The following KIF17 variants were observed in gnomAD, a reference collection of about 807,000 sequenced individuals.
The protein encoded by KIF17 is kinesin family member 17.
In KIF17, 80 loss-of-function variants were observed where a neutral mutation model predicts 96.8. That is an observed-to-expected ratio of 0.83 (90% CI 0.69 to 1.00). The LOEUF (loss-of-function observed/expected upper bound fraction) is 1.00, where lower values mean the gene tolerates loss of function less well. Ranked by LOEUF, KIF17 falls within the 50% of genes least tolerant of loss-of-function variation. KIF17 has a pLI of 0.00. For missense variants in KIF17, 1,280 were observed against 1,372.9 expected (o/e 0.93, Z 1.07); for synonymous variants, 567 against 587.5 (o/e 0.97, Z 0.51).
At chr1:20,666,111 G>A (rs1370770146) in intron 14 of KIF17, 103 bp downstream of exon 14, 2 of 879,740 alleles carry the variant, frequency 2.3e-6, no homozygotes, top group Non-Finnish European at 3.9e-6. Context: ...GGCTCCGAGA[G>A]GGAAAGGAGT....
At chr1:20,713,332 T>G (rs1043305259) in intron 3 of KIF17, 122 bp downstream of exon 3, 4 of 570,784 alleles carry the variant, frequency 7.0e-6, no homozygotes, top group South Asian at 5.0e-5. Flanking sequence ...AAAAAAAAAG[T>G]CCCGACTCTA....
At chr1:20,716,256 A>AAT (rs2054576253) in intron 1 of KIF17, among the ~76,000 whole-genome samples, 2 of 152,052 alleles carry the variant, frequency 1.3e-5, no homozygotes, top group Non-Finnish European at 2.9e-5. Flanking sequence ...AAAAAAAAAA[A>AAT]AAAAATCAAT....
Position 20,698,366 on chromosome 1 carries a change from G to T in KIF17, c.1233+13C>A, listed in dbSNP as rs371823681. 6.3e-7 allele frequency: 1 copy of T among 1,596,940 alleles called. No individual in the cohort carries two copies. The highest frequency in any genetic ancestry group is 8.6e-7 in the Non-Finnish European group (1 of 1,164,912). On this transcript the variant is annotated intron_variant, in intron 6 of 14. Coordinates refer to ENST00000400463, the MANE Select transcript of KIF17 (RefSeq NM_001122819.3). ...CTGTCCCTTCTCCATGTTCCCACCCGCTTGGGTCTCACCTCCCGGATCAGC... is the reference window on the plus strand; with the variant it reads ...CTGTCCCTTCTCCATGTTCCCACCCTCTTGGGTCTCACCTCCCGGATCAGC...
At chr1:20,676,681 A>C (rs1006450351) in intron 11 of KIF17, among the ~76,000 whole-genome samples, 6 of 152,092 alleles carry the variant, frequency 3.9e-5, no homozygotes, top group Non-Finnish European at 7.3e-5. Context: ...AATACAAAAA[A>C]TTAGCCAGGC....
Position 20,687,248 on chromosome 1 carries a change from G to A in KIF17, c.1938+140C>T. 4.3e-6 allele frequency: 4 copies of A among 933,454 alleles called. No individual in the cohort carries two copies. The highest frequency in any genetic ancestry group is 6.8e-6 in the Non-Finnish European group (4 of 584,020). The allele number at this position is 933,454 out of a possible 1,614,324, so 57.8% of individuals were successfully genotyped here. On this transcript the variant is annotated intron_variant, in intron 8 of 14. Coordinates refer to ENST00000400463, the MANE Select transcript of KIF17 (RefSeq NM_001122819.3). This position sits in a 1 kb window ranked among gnomAD's most constrained non-coding sequence, Gnocchi z 4.4. Reference sequence around the variant, plus strand: ...GCCCCTGAGCCAGCCACCAGTGCCAGAGCCGCAGCAGACACAGTGGAGCCA... The same window carrying A: ...GCCCCTGAGCCAGCCACCAGTGCCAAAGCCGCAGCAGACACAGTGGAGCCA...
Position 20,699,817 on chromosome 1 carries a change from A to G in KIF17, c.1124-1329T>C, listed in dbSNP as rs927651646. On this transcript the variant is annotated intron_variant, in intron 5 of 14. Coordinates refer to ENST00000400463, the MANE Select transcript of KIF17 (RefSeq NM_001122819.3). The surrounding 1 kb of genome is among the most constrained non-coding windows in gnomAD (Gnocchi z 4.3). The stretch of plus-strand genomic sequence containing the variant: ...GAGTGATGGGCAGGACAGGTGGAGA[A>G]GTCCAAGAGGGATAATGCCAGATTG... Among the ~76,000 whole-genome samples, 2 of 152,316 alleles carry G rather than the reference A, an allele frequency of 1.3e-5. No homozygotes were observed. Among genetic ancestry groups the G allele is most frequent in the East Asian group, 1.9e-4 (1 of 5,170 alleles).
Position 20,712,699 on chromosome 1 carries a change from A to ATCTATAT in KIF17, c.480+754_480+755insATATAGA, listed in dbSNP as rs1557606606. On this transcript the variant is annotated intron_variant, in intron 3 of 14. Coordinates refer to ENST00000400463, the MANE Select transcript of KIF17 (RefSeq NM_001122819.3). ...AATATTATCTATATATAATATAGAT[A>ATCTATAT]ATATTATCTATATATAAAATTATAT... Among the ~76,000 whole-genome samples, 17 of 91,174 alleles carry ATCTATAT rather than the reference A, an allele frequency of 1.9e-4. 1 individual carries two copies. The highest frequency in any genetic ancestry group is 7.9e-4 in the African/African-American group (16 of 20,222). The allele number at this position is 91,174 out of a possible 152,430, so 59.8% of individuals were successfully genotyped here.
chr1:20,666,985 G>A (rs531003556), intron 13 of KIF17, among the ~76,000 whole-genome samples: 2 of 152,124 alleles, frequency 1.3e-5, no homozygotes, highest in African/African-American at 2.4e-5. Flanking sequence ...CCTAAACACA[G>A]TAATTGGTTC....
At chr1:20,694,702 C>T (rs2054102672) in intron 6 of KIF17, among the ~76,000 whole-genome samples, 1 of 152,214 alleles carries the variant, frequency 6.6e-6, no homozygotes, top group African/African-American at 2.4e-5. Flanking sequence ...TCAGATGTAA[C>T]CACGCATTCT....
At chr1:20,674,928 T>A (rs1299502535) in intron 11 of KIF17, among the ~76,000 whole-genome samples, 1 of 152,018 alleles carries the variant, frequency 6.6e-6, no homozygotes, top group African/African-American at 2.4e-5. Context: ...GGTGGATGGA[T>A]CACCTGAGGT....
Position 20,717,506 on chromosome 1 carries a change from G to C in KIF17, c.201C>G (p.Ile67Met), listed in dbSNP as rs142917123. Reference protein sequence around the residue: ...AYHVDHVTEQIYNEIAYPLVE... With the variant: ...AYHVDHVTEQMYNEIAYPLVE... ...CCAGCGGATAGGCGATCTCGTTGTA[G>C]ATCTGCTCGGTGACGTGGTCCACGT... Residue 67 changes from isoleucine (I) to methionine (M), a missense_variant, in exon 1 of 15, where the codon ATC (isoleucine) becomes ATG (methionine). Coordinates refer to ENST00000400463, the MANE Select transcript of KIF17 (RefSeq NM_001122819.3). 1 of 1,611,850 alleles carries C rather than the reference G, an allele frequency of 6.2e-7. No homozygotes were observed. The highest frequency in any genetic ancestry group is 1.3e-5 in the African/African-American group (1 of 75,018).
downstream of KIF17, among the ~76,000 whole-genome samples, chr1:20,663,853 C>T (rs565923191): frequency 1.3e-5 from 2 of 152,218 alleles, no homozygotes; most frequent in Non-Finnish European, 2.9e-5. Context: ...TTCAGACGCT[C>T]TTCCCAGAAG....
chr1:20,687,875 GC>G lies in KIF17; in HGVS notation c.1450del (p.Ala484LeufsTer13). 7 of 1,614,026 alleles carry G rather than the reference GC, an allele frequency of 4.3e-6. No homozygotes were observed. Among genetic ancestry groups the G allele is most frequent in the Non-Finnish European group, 5.1e-6 (6 of 1,180,036 alleles). On this transcript the variant is annotated frameshift_variant, in exon 8 of 15. Coordinates refer to ENST00000400463, the MANE Select transcript of KIF17 (RefSeq NM_001122819.3). LOFTEE classifies it high-confidence loss of function. This position sits in a 1 kb window ranked among gnomAD's most constrained non-coding sequence, Gnocchi z 4.4. Reference sequence around the variant, plus strand: ...ATACTGAAAAGCAGGCGGGTACTCAGCGCTGCTGGCAAACTCAGCCCTGGAC... The same window carrying G: ...ATACTGAAAAGCAGGCGGGTACTCAGGCTGCTGGCAAACTCAGCCCTGGAC... Reference protein sequence around the residue: ...VMSRAEFASSAEYPPAFQYET... With the variant: ...VMSRAEFASSXEYPPAFQYET...
chr1:20,692,292 C>T (rs2054052749), intron 6 of KIF17, among the ~76,000 whole-genome samples: 1 of 152,118 alleles, frequency 6.6e-6, no homozygotes. Flanking sequence ...TGACCATACT[C>T]TCAGAAGCAG....
rs189042864 is a variant in KIF17, at chr1:20,675,369, A to C, written c.2464-3173T>G. On this transcript the variant is annotated intron_variant, in intron 11 of 14. Coordinates refer to ENST00000400463, the MANE Select transcript of KIF17 (RefSeq NM_001122819.3). ...AGGCTGAAGCAGGAGAATGGCGTGAACCCCGGAGGCGGAGCTTGCAGTGAG... is the reference window on the plus strand; with the variant it reads ...AGGCTGAAGCAGGAGAATGGCGTGACCCCCGGAGGCGGAGCTTGCAGTGAG... Among the ~76,000 whole-genome samples the C allele has an allele frequency of 2.5e-3, 369 of 149,626 alleles. 2 individuals carry two copies. The highest frequency in any genetic ancestry group is 8.4e-3 in the African/African-American group (342 of 40,478).
chr1:20,714,195 T>C lies in KIF17; in HGVS notation c.379-640A>G, dbSNP rs560539654. ...ACAAAAAATTAGCCAGGCATGGTGG[T>C]GGGTGCCTGTAGTCCCAGCTACTCA... On this transcript the variant is annotated intron_variant, in intron 2 of 14. Transcript: ENST00000400463. 5.3e-5 allele frequency among the ~76,000 whole-genome samples: 8 copies of C among 152,168 alleles called. No homozygotes were observed. In the East Asian group the frequency reaches 5.8e-4, roughly 11 times the overall value.
In KIF17 at chr1:20,699,045, G is replaced by A. The variant is rs2054190062; in HGVS notation, c.1124-557C>T. Among the ~76,000 whole-genome samples the A allele has an allele frequency of 6.6e-6, 1 of 152,058 alleles. No individual in the cohort carries two copies. Among genetic ancestry groups the A allele is most frequent in the African/African-American group, 2.4e-5 (1 of 41,380 alleles). ...ACTCACTGAGGCCTCAAATTCCTGGGCTCAAATGATCCTCCCACCTGAGCC... is the reference window on the plus strand; with the variant it reads ...ACTCACTGAGGCCTCAAATTCCTGGACTCAAATGATCCTCCCACCTGAGCC... On this transcript the variant is annotated intron_variant, in intron 5 of 14. Coordinates refer to ENST00000400463, the MANE Select transcript of KIF17 (RefSeq NM_001122819.3). This position sits in a 1 kb window ranked among gnomAD's most constrained non-coding sequence, Gnocchi z 4.3.
Position 20,704,655 on chromosome 1 carries a change from C to G in KIF17, c.915G>C (p.Lys305Asn), listed in dbSNP as rs748423151. The change falls in exon 5 of 15, where the codon AAG becomes AAC. Residue 305 changes from lysine to asparagine, a missense_variant. Physicochemically the swap from Lys to Asn is moderately conservative, Grantham distance 94. Transcript: ENST00000400463. This position sits in a 1 kb window ranked among gnomAD's most constrained non-coding sequence, Gnocchi z 6.8. ...GCGACAGGCAGGCCACCATGAGCGT[C>G]TTGGTGTTGCCGCCCAGTGAGTCCT... is the stretch of plus-strand genomic sequence containing the variant. The part of the protein sequence containing the change: ...LLQDSLGGNT[K>N]TLMVACLSPA... 6.2e-7 allele frequency: 1 copy of G among 1,614,188 alleles called. No homozygotes were observed. The highest frequency in any genetic ancestry group is 1.7e-5 in the Admixed American group (1 of 60,032).
rs1553149236 is a variant in KIF17 at position 20,672,063 on chromosome 1, G to GGCTGCACCTGCTCCAGGA, written c.2579_2596dup (p.Leu860_Gln865dup). 1 of 1,614,016 alleles carries GGCTGCACCTGCTCCAGGA rather than the reference G, an allele frequency of 6.2e-7. No homozygotes were observed. The highest frequency in any genetic ancestry group is 2.2e-5 in the East Asian group (1 of 44,886). Reference sequence around the variant, plus strand: ...GTAGTTACAGTCCCTGCGAATCAGGGGCTGCACCTGCTCCAGGAGCTGCTG... The same window carrying GGCTGCACCTGCTCCAGGA: ...GTAGTTACAGTCCCTGCGAATCAGGGGCTGCACCTGCTCCAGGAGCTGCACCTGCTCCAGGAGCTGCTG... On this transcript the variant is annotated inframe_insertion, in exon 12 of 15. Coordinates refer to ENST00000400463, the MANE Select transcript of KIF17 (RefSeq NM_001122819.3). The surrounding 1 kb of genome is among the most constrained non-coding windows in gnomAD (Gnocchi z 4.3).
Sources: gnomAD v4.1 joint callset for allele counts (sites outside exome capture counted in the v4.1 genomes callset) on GRCh38, gnomAD v4.1.1 for gene constraint, Gnocchi (gnomAD v3.1) non-coding constraint, MANE v1.5 for transcripts, NCBI Gene and HGNC (gene_info 2026-07-23, HGNC 2026-07-21) for gene names.